The following F5 variants were observed in gnomAD, a reference collection of about 807,000 sequenced individuals.
The protein encoded by F5 is activated protein c cofactor.
A neutral mutation model predicts 216.4 loss-of-function variants in F5; 138 were observed. The ratio of observed to expected loss-of-function variants is 0.64; its 90% CI spans 0.56 to 0.73. F5 has a LOEUF of 0.73. Ranked by LOEUF, F5 falls within the 30% of genes least tolerant of loss-of-function variation. The pLI, the probability that F5 is intolerant of heterozygous loss-of-function variation, is 0.00. For missense variants in F5, 2,403 were observed against 2,674.0 expected, an observed-to-expected ratio of 0.90 and a Z score of 2.24; for synonymous variants, 916 against 930.7, an observed-to-expected ratio of 0.98 and a Z score of 0.29.
Position 169,546,509 on chromosome 1 carries a change from CTTG to C in F5, c.1692_1694del (p.Asn564del). The stretch of plus-strand genomic sequence containing the variant: ...TCACCTCATCAGGATTTTCACAAAA[CTTG>C]TTGATGTTGTCCTCAAGGTACCAGC... On this transcript the variant is annotated inframe_deletion, in exon 11 of 25. Coordinates refer to ENST00000367797, the MANE Select transcript of F5 (RefSeq NM_000130.5). The C allele has an allele frequency of 6.2e-7, 1 of 1,614,160 alleles. No homozygotes were observed. Among genetic ancestry groups the C allele is most frequent in the Non-Finnish European group, 8.5e-7 (1 of 1,180,010 alleles).
Position 169,586,251 on chromosome 1 carries a change from G to T in F5, c.136C>A (p.Arg46=). ...TACCTTGAGTTTGTGGGCTCAGGTC[G>T]GTAGCTCCAACTGATGCCCTGAGCA... The part of the protein sequence containing the change: ...VAAQGISWSY[R]PEPTNSSLNL... Residue 46 remains arginine (R), a synonymous_variant, in exon 1 of 25, where the codon CGA becomes AGA. Coordinates refer to ENST00000367797, the MANE Select transcript of F5 (RefSeq NM_000130.5). 2 of 1,614,120 alleles carry T rather than the reference G, an allele frequency of 1.2e-6. No homozygotes were observed. The highest frequency in any genetic ancestry group is 1.7e-6 in the Non-Finnish European group (2 of 1,180,028).
intron 1 of F5, among the ~76,000 whole-genome samples, chr1:169,585,114 C>T (rs571372695): frequency 4.0e-4 from 61 of 152,236 alleles, no homozygotes; most frequent in African/African-American, 1.4e-3. Context: ...TTTTAGCTTA[C>T]GGCAGTTCCC....
At chr1:169,555,018 T>C (rs1038843408) in intron 7 of F5, among the ~76,000 whole-genome samples, 164 bp downstream of exon 7, 5 of 152,210 alleles carry the variant, frequency 3.3e-5, no homozygotes, top group African/African-American at 1.2e-4. Flanking sequence ...ATTTCTTTGG[T>C]GATTTGGGGG....
At chr1:169,554,527 AT>A (rs1660265540) in intron 7 of F5, among the ~76,000 whole-genome samples, 1 of 152,208 alleles carries the variant, frequency 6.6e-6, no homozygotes. Flanking sequence ...TACATACATC[AT>A]TTCACCTGTG....
chr1:169,529,611 G>A lies in F5; in HGVS notation c.5416C>T (p.His1806Tyr), dbSNP rs1187647529. The change falls in exon 16 of 25, where the codon CAC becomes TAC. Residue 1806 changes from histidine to tyrosine, a missense_variant. Around this residue, in one of 4 missense-constraint regions of F5, gnomAD observed 659 missense variants for 787.9 expected, o/e 0.84. Transcript: ENST00000367797. ...GATCAAAGTCTGAGGAAAATACCGT[G>A]AAACTCATGGGATTTTTTCATTTCT... Reference protein sequence around the residue: ...SSEMKKSHEFHAINGMIYSLP... With the variant: ...SSEMKKSHEFYAINGMIYSLP... 1.2e-6 allele frequency: 2 copies of A among 1,613,370 alleles called. No individual in the cohort carries two copies. Among genetic ancestry groups the A allele is most frequent in the Middle Eastern group, 1.7e-4 (1 of 6,058 alleles).
intron 12 of F5, 99 bp downstream of exon 12, chr1:169,544,197 A>G (rs1334763643): frequency 1.1e-6 from 1 of 940,626 alleles, no homozygotes; most frequent in Non-Finnish European, 1.7e-6. Context: ...TCAGGGAGAT[A>G]CATAGAGGAG....
chr1:169,552,650 A>C lies in F5; in HGVS notation c.1203T>G (p.Asp401Glu). 1 of 1,613,110 alleles carries C rather than the reference A, an allele frequency of 6.2e-7. No individual in the cohort carries two copies. Among genetic ancestry groups the C allele is most frequent in the Non-Finnish European group, 8.5e-7 (1 of 1,179,266 alleles). The change falls in exon 8 of 25, where the codon GAT becomes GAG. Residue 401 changes from aspartate (D) to glutamate (E), a missense_variant. Physicochemically the swap from Asp to Glu is conservative, Grantham distance 45. Transcript: ENST00000367797. Reference sequence around the variant, plus strand: ...TCACTGTATGTTTGGTGAAGGACTCATCTTCGTACTGTGTGTACATAACTT... The same window carrying C: ...TCACTGTATGTTTGGTGAAGGACTCCTCTTCGTACTGTGTGTACATAACTT... Reference protein sequence around the residue: ...YKKVMYTQYEDESFTKHTVNP... With the variant: ...YKKVMYTQYEEESFTKHTVNP...
chr1:169,557,128 A>C (rs566557282), intron 5 of F5, among the ~76,000 whole-genome samples: 1 of 152,368 alleles, frequency 6.6e-6, no homozygotes, highest in East Asian at 1.9e-4. Context: ...ATGTGAACTC[A>C]AAAACACAGG....
chr1:169,559,490 C>T (rs1660411344), intron 4 of F5, among the ~76,000 whole-genome samples, 194 bp from the exon 5 acceptor site: 2 of 152,240 alleles, frequency 1.3e-5, no homozygotes, highest in South Asian at 4.1e-4. Flanking sequence ...GCCACACTGT[C>T]TTCTTTGATA....
chr1:169,554,219 T>C (rs1407121614), intron 7 of F5, among the ~76,000 whole-genome samples: 13 of 87,514 alleles, frequency 1.5e-4, no homozygotes, highest in Admixed American at 1.4e-3. Context: ...TGCGTGTAAT[T>C]CCAGAATACC....
chr1:169,559,371 G>C, intron 4 of F5, 75 bp from the exon 5 acceptor site: 1 of 1,456,162 alleles, frequency 6.9e-7, no homozygotes, highest in South Asian at 1.1e-5. Context: ...ATAGCAAAGA[G>C]TTTAGGGCAA....
At chr1:169,579,741 A>G (rs1236164878) in intron 2 of F5, among the ~76,000 whole-genome samples, 1 of 152,216 alleles carries the variant, frequency 6.6e-6, no homozygotes, top group African/African-American at 2.4e-5. Context: ...GCTCCTAAAT[A>G]TCTTTGGACT....
chr1:169,554,675 A>C (rs1381618305), intron 7 of F5, among the ~76,000 whole-genome samples: 1 of 152,234 alleles, frequency 6.6e-6, no homozygotes, highest in Non-Finnish European at 1.5e-5. Flanking sequence ...CGAACAATAT[A>C]TGATAGTTCT....
chr1:169,558,334 T>C (rs1292428233), intron 5 of F5, among the ~76,000 whole-genome samples: 1 of 152,114 alleles, frequency 6.6e-6, no homozygotes, highest in African/African-American at 2.4e-5. Context: ...GAAAACCAAG[T>C]GGAAAATGTA....
chr1:169,535,869 A>T (rs1003153453), intron 14 of F5, among the ~76,000 whole-genome samples: 18 of 152,324 alleles, frequency 1.2e-4, no homozygotes, highest in African/African-American at 3.6e-4. Flanking sequence ...ATTATATTTT[A>T]AAATCTAGAA....
intron 16 of F5, 39 bp from the exon 17 acceptor site, chr1:169,528,133 T>C: frequency 1.2e-6 from 2 of 1,611,588 alleles, no homozygotes; most frequent in Non-Finnish European, 1.7e-6. Flanking sequence ...AAAAATCTGT[T>C]GACACAGAGA....
intron 3 of F5, among the ~76,000 whole-genome samples, chr1:169,569,520 G>A (rs1660679897): frequency 6.6e-6 from 1 of 152,000 alleles, no homozygotes; most frequent in Non-Finnish European, 1.5e-5. Context: ...TTTGCTCAAA[G>A]GTGCAGCATT....
chr1:169,577,824 C>T (rs1660898203), intron 2 of F5, among the ~76,000 whole-genome samples: 1 of 151,798 alleles, frequency 6.6e-6, no homozygotes, highest in Non-Finnish European at 1.5e-5. Flanking sequence ...GTCCACAAAC[C>T]TTATTGGATG....
chr1:169,543,401 A>G (rs990220065), intron 12 of F5, among the ~76,000 whole-genome samples: 2 of 152,148 alleles, frequency 1.3e-5, no homozygotes, highest in African/African-American at 4.8e-5. Context: ...TAACAGAATA[A>G]AAAACAAAAG....
Sources: allele counts gnomAD v4.1 joint callset (sites outside exome capture counted in the v4.1 genomes callset), GRCh38; gene constraint gnomAD v4.1.1; regional missense constraint gnomAD v4.1.1; transcripts MANE v1.5; gene names NCBI Gene and HGNC (gene_info 2026-07-23, HGNC 2026-07-21).